The following DLG2 variants were observed in gnomAD, a reference collection of about 807,000 sequenced individuals.
The protein encoded by DLG2 is disks large homolog 2.
DLG2 carries 45 observed loss-of-function variants against 132.5 expected under a neutral mutation model. The ratio of observed to expected loss-of-function variants is 0.34; its 90% CI spans 0.27 to 0.44. The LOEUF is 0.44. DLG2 is among the 20% of genes least tolerant of loss of function. DLG2 has a pLI of 1.00. For synonymous variants in DLG2, 424 were observed against 419.6 expected (o/e 1.01, Z -0.13); for missense variants, 1,045 against 1,196.9 (o/e 0.87, Z 1.87).
intron 17 of DLG2, among the ~76,000 whole-genome samples, chr11:83,801,355 G>C (rs2044326681): frequency 6.6e-6 from 1 of 151,990 alleles, no homozygotes; most frequent in African/African-American, 2.4e-5. Flanking sequence ...CTCAAACTCT[G>C]TATCAGATCA....
chr11:85,067,289 A>G (rs950963307), intron 6 of DLG2, among the ~76,000 whole-genome samples: 5 of 151,770 alleles, frequency 3.3e-5, no homozygotes, highest in African/African-American at 9.7e-5. Flanking sequence ...TCTTTCCAAA[A>G]AACCAGCTCC....
At chr11:84,773,215 C>T (rs1449846190) in intron 6 of DLG2, among the ~76,000 whole-genome samples, 1 of 152,028 alleles carries the variant, frequency 6.6e-6, no homozygotes, top group African/African-American at 2.4e-5. Flanking sequence ...ATACAACCTC[C>T]CAAGAGTGAA....
At chr11:84,576,204 G>T (rs911604643) in intron 6 of DLG2, among the ~76,000 whole-genome samples, 2 of 152,012 alleles carry the variant, frequency 1.3e-5, no homozygotes, top group Non-Finnish European at 2.9e-5. Context: ...TATGGTTATC[G>T]TTTACTGTTT....
chr11:83,684,669 A>G (rs987063517), intron 18 of DLG2: 1 of 152,140 alleles, frequency 6.6e-6, no homozygotes, highest in Non-Finnish European at 1.5e-5. Context: ...GTTACTTCCT[A>G]TATGTCTGAA....
At chr11:83,786,371 T>C (rs955897332) in intron 18 of DLG2, 2 of 233,050 alleles carry the variant, frequency 8.6e-6, no homozygotes, top group African/African-American at 4.4e-5. Flanking sequence ...TCTTAAGTCT[T>C]AACTGTTTTT....
At chr11:83,659,720 GC>G (rs933977123) in intron 18 of DLG2, among the ~76,000 whole-genome samples, 8 of 152,230 alleles carry the variant, frequency 5.3e-5, no homozygotes, top group African/African-American at 1.9e-4. Flanking sequence ...GAGACAGTCT[GC>G]CTCCAGAGCC....
intron 9 of DLG2, among the ~76,000 whole-genome samples, chr11:84,137,788 A>C (rs2094665796): frequency 6.6e-6 from 1 of 152,066 alleles, no homozygotes; most frequent in South Asian, 2.1e-4. Flanking sequence ...GCCTTCTAAG[A>C]CTAATTCATT....
intron 6 of DLG2, among the ~76,000 whole-genome samples, chr11:84,652,402 G>T (rs79775405): frequency 6.6e-6 from 1 of 152,106 alleles, no homozygotes; most frequent in East Asian, 1.9e-4. Context: ...TTAGGGTAAC[G>T]CACACCCTTC....
chr11:84,428,858 G>C (rs2098975407), intron 7 of DLG2, among the ~76,000 whole-genome samples: 1 of 152,164 alleles, frequency 6.6e-6, no homozygotes, highest in Non-Finnish European at 1.5e-5. Context: ...AGCTTGTAAT[G>C]ATATGGCATG....
At chr11:84,853,009 C>T (rs972073419) in intron 6 of DLG2, among the ~76,000 whole-genome samples, 5 of 151,994 alleles carry the variant, frequency 3.3e-5, no homozygotes, top group African/African-American at 1.2e-4. Context: ...TTATTTTGCA[C>T]CTACTATGTT....
intron 16 of DLG2, among the ~76,000 whole-genome samples, chr11:83,860,811 G>A (rs1490327914): frequency 6.6e-6 from 1 of 152,170 alleles, no homozygotes; most frequent in Admixed American, 6.6e-5. Flanking sequence ...GAGGGACCCT[G>A]TGGGAGATAA....
chr11:84,051,234 G>C (rs1334971337), intron 11 of DLG2, among the ~76,000 whole-genome samples: 6 of 152,028 alleles, frequency 3.9e-5, no homozygotes, highest in Middle Eastern at 6.8e-3. Flanking sequence ...CAGGGATCTA[G>C]AACTAGAAAT....
chr11:85,354,089 C>T (rs560612771), intron 3 of DLG2, among the ~76,000 whole-genome samples: 2 of 151,930 alleles, frequency 1.3e-5, no homozygotes, highest in South Asian at 2.1e-4. Flanking sequence ...TAGGTCCTCT[C>T]GCACTATTCA....
chr11:83,922,780 C>T (rs1179885106), intron 15 of DLG2, among the ~76,000 whole-genome samples: 1 of 152,014 alleles, frequency 6.6e-6, no homozygotes, highest in Non-Finnish European at 1.5e-5. Flanking sequence ...AGCCCAGATT[C>T]CTCCAATTGC....
chr11:83,811,551 G>A (rs529865635), intron 17 of DLG2, among the ~76,000 whole-genome samples: 59 of 152,154 alleles, frequency 3.9e-4, no homozygotes, highest in Non-Finnish European at 5.9e-4. Flanking sequence ...TCACTAAAAA[G>A]TATGTTTAGT....
At chr11:85,386,307 A>G (rs1004217110) in intron 3 of DLG2, among the ~76,000 whole-genome samples, 1 of 152,156 alleles carries the variant, frequency 6.6e-6, no homozygotes, top group Admixed American at 6.5e-5. Context: ...TTATTGATTC[A>G]CTTTAAAGAC....
At chr11:84,966,484 CAAAT>C (rs1303306385) in intron 6 of DLG2, among the ~76,000 whole-genome samples, 36 of 152,110 alleles carry the variant, frequency 2.4e-4, no homozygotes, top group Admixed American at 2.2e-3. Context: ...ATAGTCCTAT[CAAAT>C]GAATAGTTGG....
At chr11:85,236,851 T>A (rs2075612298) in intron 4 of DLG2, among the ~76,000 whole-genome samples, 1 of 152,058 alleles carries the variant, frequency 6.6e-6, no homozygotes, top group Admixed American at 6.6e-5. Context: ...ATCTTTCTGG[T>A]CCAGGTATCC....
intron 4 of DLG2, among the ~76,000 whole-genome samples, chr11:85,276,206 A>G (rs1282709311): frequency 6.6e-6 from 1 of 152,170 alleles, no homozygotes; most frequent in Non-Finnish European, 1.5e-5. Flanking sequence ...ATTGACCTCC[A>G]TATAACACAG....
Sources: gnomAD v4.1 joint callset for allele counts (sites outside exome capture counted in the v4.1 genomes callset) on GRCh38, gnomAD v4.1.1 for gene constraint, MANE v1.5 for transcripts, NCBI Gene and HGNC (gene_info 2026-07-23, HGNC 2026-07-21) for gene names.